The following PCDHGB4 variants were observed in gnomAD, a reference collection of about 807,000 sequenced individuals.
The protein encoded by PCDHGB4 is protocadherin gamma-B4.
Under a neutral mutation model 60.5 loss-of-function variants are expected in PCDHGB4, and 38 were observed. The ratio of observed to expected loss-of-function variants is 0.63; its 90% confidence interval spans 0.48 to 0.82. The LOEUF is 0.82. Among genes scored for constraint, PCDHGB4 ranks in the 40% least tolerant of loss-of-function variants. The pLI is 0.00. For missense variants in PCDHGB4, 1,109 were observed against 1,209.6 expected, an observed-to-expected ratio of 0.92 and a Z score of 1.23; for synonymous variants, 456 against 509.7, an observed-to-expected ratio of 0.89 and a Z score of 1.42.
In PCDHGB4 at chr5:141,395,071, A is replaced by G. The variant is rs767254764; in HGVS notation, c.2397+4790A>G. 27 of 1,614,100 alleles carry G rather than the reference A, an allele frequency of 1.7e-5. No individual in the cohort carries two copies. Among genetic ancestry groups the G allele is most frequent in the East Asian group, 2.2e-5 (1 of 44,880 alleles). The stretch of plus-strand genomic sequence containing the variant: ...GAGGTACAGGCTTTCCTGCAGACCT[A>G]TTCCCAGGAAGTCTCCCTCACCGCC... On this transcript the variant is annotated intron_variant, in intron 1 of 3. Transcript: ENST00000519479.
chr5:141,417,111 G>A (rs1014827063), intron 1 of PCDHGB4: 13 of 152,012 alleles, frequency 8.6e-5, no homozygotes, highest in African/African-American at 2.7e-4. Context: ...AAGCAATACA[G>A]GACACCCTGG....
chr5:141,487,864 C>A lies in PCDHGB4; in HGVS notation c.2398-6943C>A. On this transcript the variant is annotated intron_variant, in intron 1 of 3. Coordinates refer to ENST00000519479, the MANE Select transcript of PCDHGB4 (RefSeq NM_003736.4). The surrounding 1 kb of genome is among the most constrained non-coding windows in gnomAD (Gnocchi z 5.0). ...GTAAGAAATGAAAGTAATTGGTGAT[C>A]AAGAGCCAGGCTGTTGTGGAAGCAT... 1 of 899,610 alleles carries A rather than the reference C, an allele frequency of 1.1e-6. No individual in the cohort carries two copies. Among genetic ancestry groups the A allele is most frequent in the Non-Finnish European group, 1.7e-6 (1 of 599,584 alleles). The allele number at this position is 899,610 out of a possible 1,614,324, so 55.7% of individuals were successfully genotyped here.
chr5:141,500,350 A>G (rs2099799466), intron 2 of PCDHGB4, among the ~76,000 whole-genome samples: 1 of 151,976 alleles, frequency 6.6e-6, no homozygotes, highest in African/African-American at 2.4e-5. Flanking sequence ...CTGGGACTAC[A>G]GGCGCCCACT....
At chr5:141,494,099 C>T (rs976610819) in intron 1 of PCDHGB4, among the ~76,000 whole-genome samples, 3 of 152,172 alleles carry the variant, frequency 2.0e-5, no homozygotes, top group South Asian at 2.1e-4. Context: ...CATTTTTCTC[C>T]GTCTCAGACA....
chr5:141,505,413 C>T lies in PCDHGB4; in HGVS notation c.2477C>T (p.Thr826Ile), dbSNP rs1240988786. ...CCCAGCTCCCAAAATGGCGATGACA[C>T]CGGCACCTGGCCCAACAACCAGTTT... is the stretch of plus-strand genomic sequence containing the variant. ...GTSGSQNGDD[T>I]GTWPNNQFDT... Residue 826 changes from threonine to isoleucine, a missense_variant, in exon 3 of 4, where the codon ACC becomes ATC. By Grantham distance (89) the Thr-to-Ile change is moderately conservative. Around this residue, in one of 2 missense-constraint regions of PCDHGB4, gnomAD observed 1,068 missense variants for 1,089.9 expected, o/e 0.98. Coordinates refer to ENST00000519479, the MANE Select transcript of PCDHGB4 (RefSeq NM_003736.4). 10 of 1,614,202 alleles carry T rather than the reference C, an allele frequency of 6.2e-6. No homozygotes were observed. Among genetic ancestry groups the T allele is most frequent in the Non-Finnish European group, 7.6e-6 (9 of 1,180,046 alleles).
chr5:141,410,665 G>A, intron 1 of PCDHGB4: 1 of 1,569,394 alleles, frequency 6.4e-7, no homozygotes, highest in Non-Finnish European at 8.6e-7. Context: ...TAGTCTACTA[G>A]TTTCTCATAT....
chr5:141,473,598 T>C (rs959841516), intron 1 of PCDHGB4, among the ~76,000 whole-genome samples: 8 of 152,066 alleles, frequency 5.3e-5, no homozygotes, highest in African/African-American at 1.9e-4. Flanking sequence ...CCTGTAGAAA[T>C]TAGCAAAGCA....
chr5:141,405,444 G>A, intron 1 of PCDHGB4: 1 of 1,379,466 alleles, frequency 7.2e-7, no homozygotes, highest in South Asian at 1.3e-5. Flanking sequence ...TTTTGAGACA[G>A]AGTCTTACTC....
At chr5:141,413,086 A>T in intron 1 of PCDHGB4, 1 of 1,344,152 alleles carries the variant, frequency 7.4e-7, no homozygotes, top group Non-Finnish European at 1.0e-6. Flanking sequence ...GGCTACAGAG[A>T]CACCCTGAAG....
rs2099697431 is a variant in PCDHGB4 at position 141,490,222 on chromosome 5, C to T, written c.2398-4585C>T. The T allele has an allele frequency of 6.2e-7, 1 of 1,614,094 alleles. No homozygotes were observed. Among genetic ancestry groups the T allele is most frequent in the African/African-American group, 1.3e-5 (1 of 74,934 alleles). On this transcript the variant is annotated intron_variant, in intron 1 of 3. Coordinates refer to ENST00000519479, the MANE Select transcript of PCDHGB4 (RefSeq NM_003736.4). This position sits in a 1 kb window ranked among gnomAD's most constrained non-coding sequence, Gnocchi z 5.4. The stretch of plus-strand genomic sequence containing the variant: ...TGCAAGAGCCCGTGACCAGGGACAG[C>T]CTGCCATGGAGGGCCACTGTGTGAT...
intron 2 of PCDHGB4, among the ~76,000 whole-genome samples, chr5:141,501,703 G>A (rs183907124): frequency 6.6e-6 from 1 of 152,088 alleles, no homozygotes; most frequent in Non-Finnish European, 1.5e-5. Flanking sequence ...GTGATTCCGA[G>A]GATAAAAAAG....
At chr5:141,419,889 A>T in intron 1 of PCDHGB4, 1 of 1,614,084 alleles carries the variant, frequency 6.2e-7, no homozygotes, top group Middle Eastern at 1.6e-4. Flanking sequence ...GATTTCAGCG[A>T]CCATCCCACA....
rs538474552 is a variant in PCDHGB4, at chr5:141,415,070, C to T, written c.2397+24789C>T. The T allele has an allele frequency of 2.0e-5, 32 of 1,613,398 alleles. No homozygotes were observed. The African/African-American group carries it at 3.9e-4, about 19-fold the overall frequency. On this transcript the variant is annotated intron_variant, in intron 1 of 3. Transcript: ENST00000519479. Reference sequence around the variant, plus strand: ...GGGGAGCACACGGGCGAGGTGCGCACGGCGCGAGCCCTGCTGGACAGAGAC... The same window carrying T: ...GGGGAGCACACGGGCGAGGTGCGCATGGCGCGAGCCCTGCTGGACAGAGAC...
intron 1 of PCDHGB4, chr5:141,484,966 G>C: frequency 1.7e-6 from 1 of 583,968 alleles, no homozygotes. Context: ...GAGCCCGGGA[G>C]CCGCTGTCTG....
intron 1 of PCDHGB4, chr5:141,409,829 A>AGC (rs2095323181): frequency 6.2e-7 from 1 of 1,610,980 alleles, no homozygotes; most frequent in African/African-American, 1.3e-5. Context: ...GCCCACGCTC[A>AGC]GCGCCAACGT....
intron 1 of PCDHGB4, among the ~76,000 whole-genome samples, chr5:141,462,877 T>G (rs1387501705): frequency 1.3e-5 from 2 of 152,240 alleles, no homozygotes; most frequent in African/African-American, 4.8e-5. Flanking sequence ...CTTTAAGAAC[T>G]ATTGCAGTTT....
In PCDHGB4 at chr5:141,432,469, C is replaced by A; in HGVS notation, c.2397+42188C>A. On this transcript the variant is annotated intron_variant, in intron 1 of 3. Coordinates refer to ENST00000519479, the MANE Select transcript of PCDHGB4 (RefSeq NM_003736.4). The surrounding 1 kb of genome is among the most constrained non-coding windows in gnomAD (Gnocchi z 6.0). ...TCCTGTACCCCGCCCTCCCCACGGA[C>A]GGTTCCACTGGCGTGGAGCTGGCTC... 6.2e-7 allele frequency: 1 copy of A among 1,614,218 alleles called. No individual in the cohort carries two copies.
At chr5:141,398,061 A>G (rs541058758) in intron 1 of PCDHGB4, 863 of 1,544,254 alleles carry the variant, frequency 5.6e-4, no homozygotes, top group Middle Eastern at 1.5e-3. Flanking sequence ...CCAAAAATCT[A>G]CAATACAGAG....
At chr5:141,417,656 G>A (rs1561768422) in intron 1 of PCDHGB4, 1 of 854,026 alleles carries the variant, frequency 1.2e-6, no homozygotes, top group Non-Finnish European at 1.7e-6. Context: ...CCTCTAGCCT[G>A]GGATTCCCTG....
Sources: allele counts gnomAD v4.1 joint callset (sites outside exome capture counted in the v4.1 genomes callset), GRCh38; gene constraint gnomAD v4.1.1; regional missense constraint gnomAD v4.1.1; non-coding constraint Gnocchi (gnomAD v3.1); transcripts MANE v1.5; gene names NCBI Gene and HGNC (gene_info 2026-07-23, HGNC 2026-07-21).